Variants in PTPRJ observed in about 807,000 individuals in gnomAD.
The protein encoded by PTPRJ is protein tyrosine phosphatase receptor type J, also known as receptor-type tyrosine-protein phosphatase eta.
Under a neutral mutation model 141.3 loss-of-function variants are expected in PTPRJ, and 129 were observed. That is an observed-to-expected ratio of 0.91 (90% CI 0.79 to 1.06). The LOEUF is 1.06. Ranked by LOEUF, PTPRJ falls within the 50% of genes least tolerant of loss-of-function variation. The pLI, the probability that PTPRJ is intolerant of heterozygous loss-of-function variation, is 0.00. For synonymous variants in PTPRJ, 610 were observed against 640.5 expected (o/e 0.95, Z 0.72); for missense variants, 1,601 against 1,679.7 (o/e 0.95, Z 0.82).
chr11:47,995,412 C>T (rs1048583014), intron 1 of PTPRJ, among the ~76,000 whole-genome samples: 7 of 152,076 alleles, frequency 4.6e-5, no homozygotes, highest in South Asian at 4.2e-4. Flanking sequence ...TAGGACAGGG[C>T]GTGTCTGAGT....
chr11:47,983,711 G>A (rs957889778), intron 1 of PTPRJ, among the ~76,000 whole-genome samples: 8 of 152,090 alleles, frequency 5.3e-5, no homozygotes, highest in Admixed American at 5.2e-4. Context: ...TAGGCAATGT[G>A]ACAAAGCAGT....
At chr11:48,000,530 C>T (rs1854467217) in intron 1 of PTPRJ, among the ~76,000 whole-genome samples, 1 of 152,106 alleles carries the variant, frequency 6.6e-6, no homozygotes, top group Admixed American at 6.6e-5. Flanking sequence ...TAAACCCAAA[C>T]AGTGGTCTGC....
chr11:48,112,654 A>T, intron 2 of PTPRJ, 93 bp from the exon 3 acceptor site: 1 of 895,760 alleles, frequency 1.1e-6, no homozygotes. Context: ...CCAAGTGTGC[A>T]TTTCATTTCA....
At chr11:48,007,757 G>A (rs1337670669) in intron 1 of PTPRJ, among the ~76,000 whole-genome samples, 2 of 152,248 alleles carry the variant, frequency 1.3e-5, no homozygotes, top group Admixed American at 6.5e-5. Flanking sequence ...AAGCTGGTAG[G>A]AGCTGTACTT....
At chr11:48,010,187 A>T (rs971734740) in intron 1 of PTPRJ, among the ~76,000 whole-genome samples, 5 of 151,106 alleles carry the variant, frequency 3.3e-5, no homozygotes, top group South Asian at 2.1e-4. Flanking sequence ...TTATTTATTT[A>T]TTTTTTTTGA....
At chr11:47,983,005 A>G (rs1040660357) in intron 1 of PTPRJ, among the ~76,000 whole-genome samples, 6 of 152,156 alleles carry the variant, frequency 3.9e-5, no homozygotes, top group Non-Finnish European at 5.9e-5. Context: ...ATTTCAGGGA[A>G]TCAGTGCATT....
intron 1 of PTPRJ, among the ~76,000 whole-genome samples, chr11:48,081,893 G>C (rs368365355): frequency 3.9e-5 from 6 of 152,286 alleles, no homozygotes; most frequent in African/African-American, 1.4e-4. Flanking sequence ...CAGGAAGCTC[G>C]AAGTTTGTAG....
intron 21 of PTPRJ, among the ~76,000 whole-genome samples, chr11:48,159,161 G>GTGTGTGTGTGTGTTTA (rs60389100): frequency 0.017 from 2,206 of 130,594 alleles, 44 homozygotes; most frequent in Non-Finnish European, 0.023. Flanking sequence ...GTGTGTGTGT[G>GTGTGTGTGTGTGTTTA]GTCATTTGCC....
intron 12 of PTPRJ, 61 bp from the exon 13 acceptor site, chr11:48,144,614 A>C: frequency 7.5e-7 from 1 of 1,330,468 alleles, no homozygotes; most frequent in South Asian, 1.2e-5. Context: ...GTAGATATGC[A>C]GGAGAAGAAA....
intron 1 of PTPRJ, among the ~76,000 whole-genome samples, chr11:47,990,474 T>C (rs1854160813): frequency 6.6e-6 from 1 of 151,734 alleles, no homozygotes; most frequent in African/African-American, 2.4e-5. Flanking sequence ...CCAGGCTGGA[T>C]TGCAGTGGTG....
chr11:48,148,681 C>T (rs544969795), intron 15 of PTPRJ, among the ~76,000 whole-genome samples: 10 of 152,204 alleles, frequency 6.6e-5, no homozygotes, highest in Non-Finnish European at 1.0e-4. Context: ...GTGATCCACC[C>T]GCCTCGGCCT....
chr11:48,156,575 GGTTTTTTTTTTTTTTT>G lies in PTPRJ; in HGVS notation c.3438+457_3438+472del, dbSNP rs1227142295. Among the ~76,000 whole-genome samples, 11 of 123,514 alleles carry G rather than the reference GGTTTTTTTTTTTTTTT, an allele frequency of 8.9e-5. 3 individuals carry two copies. The highest frequency in any genetic ancestry group is 1.4e-4 in the Non-Finnish European group (8 of 58,142). The allele number at this position is 123,514 out of a possible 152,430, so 81.0% of individuals were successfully genotyped here. Reference sequence around the variant, plus strand: ...TGAACCCCTCCTGCCTCCACCCCAGGGTTTTTTTTTTTTTTTTTTTTTTTTTTTTTTTTTTTTGAGA... The same window carrying G: ...TGAACCCCTCCTGCCTCCACCCCAGGTTTTTTTTTTTTTTTTTTTTTGAGA... On this transcript the variant is annotated intron_variant, in intron 21 of 24. Coordinates refer to ENST00000418331, the MANE Select transcript of PTPRJ (RefSeq NM_002843.4).
chr11:48,110,228 T>C (rs2134324555), intron 2 of PTPRJ, 152 bp downstream of exon 2: 1 of 929,716 alleles, frequency 1.1e-6, no homozygotes, highest in East Asian at 2.6e-5. Context: ...TTTTTTTGAG[T>C]TGGAGCCTCG....
In PTPRJ at chr11:48,042,759, GGTGT is replaced by G. The variant is rs757012527; in HGVS notation, c.96+61775_96+61778del. On this transcript the variant is annotated intron_variant, in intron 1 of 24. Coordinates refer to ENST00000418331, the MANE Select transcript of PTPRJ (RefSeq NM_002843.4). Reference sequence around the variant, plus strand: ...TCTTTTGCCTGTGTGTGTGTGTAGGGGTGTGTGTGTGTGTGTGTGTGTGTGTGAG... The same window carrying G: ...TCTTTTGCCTGTGTGTGTGTGTAGGGGTGTGTGTGTGTGTGTGTGTGTGAG... 2.6e-3 allele frequency among the ~76,000 whole-genome samples: 379 copies of G among 146,472 alleles called. 2 individuals are homozygous for G. Among genetic ancestry groups the G allele is most frequent in the Middle Eastern group, 0.021 (6 of 288 alleles).
chr11:47,996,061 C>T (rs545361666), intron 1 of PTPRJ, among the ~76,000 whole-genome samples: 45 of 144,816 alleles, frequency 3.1e-4, no homozygotes, highest in Admixed American at 2.7e-3. Context: ...AGGCTGGGTG[C>T]GGTGGCTTAC....
intron 1 of PTPRJ, among the ~76,000 whole-genome samples, chr11:48,079,283 G>C (rs1855498012): frequency 6.6e-6 from 1 of 152,100 alleles, no homozygotes; most frequent in African/African-American, 2.4e-5. Flanking sequence ...TTTAGAGGCG[G>C]ATGCAGTACG....
intron 1 of PTPRJ, among the ~76,000 whole-genome samples, chr11:48,066,336 T>C (rs1483007325): frequency 6.6e-6 from 1 of 152,044 alleles, no homozygotes; most frequent in Non-Finnish European, 1.5e-5. Flanking sequence ...TTGGAAAGCT[T>C]GTGTATTTTA....
chr11:48,017,156 T>G (rs1854973618), intron 1 of PTPRJ, among the ~76,000 whole-genome samples: 1 of 152,232 alleles, frequency 6.6e-6, no homozygotes, highest in Admixed American at 6.5e-5. Flanking sequence ...AGTCCAGATT[T>G]GATCCCAAGT....
At chr11:48,053,469 T>A (rs1364949436) in intron 1 of PTPRJ, among the ~76,000 whole-genome samples, 24 of 109,508 alleles carry the variant, frequency 2.2e-4, no homozygotes, top group African/African-American at 7.8e-4. Flanking sequence ...TTATATATAA[T>A]ATATAAAAAA....
Sources: gnomAD v4.1 joint callset for allele counts (sites outside exome capture counted in the v4.1 genomes callset) on GRCh38, gnomAD v4.1.1 for gene constraint, MANE v1.5 for transcripts, NCBI Gene and HGNC (gene_info 2026-07-23, HGNC 2026-07-21) for gene names.